The following KLRG1 variants were observed in gnomAD, a reference collection of about 807,000 sequenced individuals.
KLRG1 encodes killer cell lectin-like receptor subfamily G member 1.
A neutral mutation model predicts 21.8 loss-of-function variants in KLRG1; 16 were observed. That is an observed-to-expected ratio of 0.73 (90% confidence interval 0.50 to 1.11). The LOEUF is 1.11. Among genes scored for constraint, KLRG1 ranks in the 50% most tolerant of loss-of-function variants. The pLI is 0.00. For missense variants in KLRG1, 173 were observed against 218.3 expected, an observed-to-expected ratio of 0.79 and a Z score of 1.31; for synonymous variants, 69 against 75.9, an observed-to-expected ratio of 0.91 and a Z score of 0.47.
At chr12:9,000,526 A>G (rs1165044961) in intron 3 of KLRG1, among the ~76,000 whole-genome samples, 1 of 152,160 alleles carries the variant, frequency 6.6e-6, no homozygotes, top group Admixed American at 6.5e-5. Flanking sequence ...GAACTTTTTC[A>G]TCATCCCCAG....
chr12:9,155,166 C>T, the KLRG1 span, among the ~76,000 whole-genome samples: 293 of 152,294 alleles, frequency 1.9e-3, 1 homozygote, highest in African/African-American at 6.8e-3. Context: ...CTGAGAATTG[C>T]AGTATAGACT....
chr12:9,064,704 A>AGG, the KLRG1 span: 2 of 154,260 alleles, frequency 1.3e-5, no homozygotes, highest in Non-Finnish European at 2.9e-5. This position sits in a 1 kb window ranked among gnomAD's most constrained non-coding sequence, Gnocchi z 4.0. Flanking sequence ...AGGGGCAGGC[A>AGG]GAGAGGGGCC....
At chr12:9,162,688 T>A in the KLRG1 span, 3 of 1,482,060 alleles carry the variant, frequency 2.0e-6, no homozygotes, top group Non-Finnish European at 2.8e-6. Context: ...GATAGAAACA[T>A]CCTGGTGACA....
chr12:9,003,971 G>A (rs1460503507), intron 3 of KLRG1, among the ~76,000 whole-genome samples: 1 of 150,532 alleles, frequency 6.6e-6, no homozygotes, highest in Non-Finnish European at 1.5e-5. Flanking sequence ...TTTTGTCCTT[G>A]CGATAGTTTA....
At position 8,998,313 on chromosome 12, in the gene KLRG1, A is replaced by G. The variant is rs114498536; in HGVS notation, c.357+3025A>G. ...CACTGCACTCTAGCTTAGGCAGCAG[A>G]GTGAGACACTGTCTCAAAAAAAAAA... On this transcript the variant is annotated intron_variant, in intron 3 of 4. Coordinates refer to ENST00000356986, the MANE Select transcript of KLRG1 (RefSeq NM_005810.4). Among the ~76,000 whole-genome samples the G allele has an allele frequency of 5.0e-3, 758 of 152,160 alleles. 12 individuals are homozygous for G. Among genetic ancestry groups the G allele is most frequent in the African/African-American group, 0.017 (689 of 41,506 alleles).
chr12:9,138,676 A>G, the KLRG1 span, among the ~76,000 whole-genome samples: 1 of 152,006 alleles, frequency 6.6e-6, no homozygotes, highest in African/African-American at 2.4e-5. Context: ...AAATCTCCAT[A>G]CTAATGATAG....
At chr12:9,111,664 A>T in the KLRG1 span, 1 of 390,906 alleles carries the variant, frequency 2.6e-6, no homozygotes, top group Non-Finnish European at 4.9e-6. Context: ...TGAAGAAGTT[A>T]ATTTGGGAGA....
At chr12:9,075,864 T>A in the KLRG1 span, among the ~76,000 whole-genome samples, 1 of 152,228 alleles carries the variant, frequency 6.6e-6, no homozygotes, top group Non-Finnish European at 1.5e-5. Flanking sequence ...TTTCTTAATC[T>A]ATGAGAGAGT....
the KLRG1 span, chr12:9,090,582 G>T: frequency 3.1e-6 from 4 of 1,285,784 alleles, no homozygotes; most frequent in South Asian, 1.4e-5. Flanking sequence ...ATTTCAGGTT[G>T]CCTCACATTA....
the KLRG1 span, chr12:9,101,532 C>T: frequency 1.2e-6 from 2 of 1,613,970 alleles, no homozygotes; most frequent in South Asian, 2.2e-5. Context: ...AGTATGGCCA[C>T]AGGGTAGTTC....
the KLRG1 span, among the ~76,000 whole-genome samples, chr12:9,191,468 T>A: frequency 1.3e-5 from 2 of 152,096 alleles, no homozygotes; most frequent in Admixed American, 1.3e-4. Flanking sequence ...CAAAATTGTT[T>A]CAATTTTCAA....
At chr12:9,183,697 C>CT in the KLRG1 span, among the ~76,000 whole-genome samples, 1 of 152,122 alleles carries the variant, frequency 6.6e-6, no homozygotes, top group South Asian at 2.1e-4. Context: ...CCAAAATTTA[C>CT]TTTTTTAAAA....
chr12:8,964,014 GT>G (rs1219928433), intron 1 of KLRG1, among the ~76,000 whole-genome samples: 1 of 152,036 alleles, frequency 6.6e-6, no homozygotes, highest in African/African-American at 2.4e-5. Flanking sequence ...TTTTTGAAGG[GT>G]TTTTTGTGTC....
chr12:9,112,564 C>A, the KLRG1 span: 2 of 1,612,214 alleles, frequency 1.2e-6, no homozygotes, highest in South Asian at 1.1e-5. Context: ...TCCTGAAACC[C>A]CATTCAGCAC....
the KLRG1 span, chr12:9,110,456 T>C: frequency 1.9e-6 from 1 of 532,740 alleles, no homozygotes; most frequent in African/African-American, 2.0e-5. Context: ...AATAATTTAA[T>C]TGTACATTTA....
At chr12:9,165,457 G>A in the KLRG1 span, 7 of 1,417,646 alleles carry the variant, frequency 4.9e-6, no homozygotes, top group Admixed American at 3.7e-5. Context: ...CTAACGTCAA[G>A]AACTGAATCC....
chr12:8,978,105 A>T (rs1378970232), intron 1 of KLRG1, among the ~76,000 whole-genome samples: 1 of 152,164 alleles, frequency 6.6e-6, no homozygotes, highest in Non-Finnish European at 1.5e-5. Context: ...TTATGTTAGG[A>T]TTAAAACTAT....
At chr12:9,102,991 C>T in the KLRG1 span, among the ~76,000 whole-genome samples, 1 of 152,164 alleles carries the variant, frequency 6.6e-6, no homozygotes, top group South Asian at 2.1e-4. Flanking sequence ...TATTGTATAT[C>T]CATGTATCTA....
chr12:9,163,866 A>G, the KLRG1 span: 1 of 1,482,592 alleles, frequency 6.7e-7, no homozygotes. Context: ...CCTTAAACTT[A>G]TAGTTGTCCA....
Sources: gnomAD v4.1 joint callset for allele counts (sites outside exome capture counted in the v4.1 genomes callset) on GRCh38, gnomAD v4.1.1 for gene constraint, Gnocchi (gnomAD v3.1) non-coding constraint, MANE v1.5 for transcripts, NCBI Gene and HGNC (gene_info 2026-07-23, HGNC 2026-07-21) for gene names.